KIFC3: variants seen among roughly 807,000 people sequenced by gnomAD.
KIFC3 encodes the protein kinesin family member C3.
KIFC3 carries 60 observed loss-of-function variants against 101.8 expected under a neutral mutation model. The observed-to-expected ratio is 0.59, with a 90% CI of 0.48 to 0.73. KIFC3 has a LOEUF of 0.73. KIFC3 is among the 30% of genes least tolerant of loss of function. KIFC3 has a pLI of 0.00. For missense variants in KIFC3, 966 were observed against 1,137.1 expected (o/e 0.85, Z 2.16); for synonymous variants, 476 against 482.7 (o/e 0.99, Z 0.18).
intron 3 of KIFC3, chr16:57,782,292 C>G (rs1555615254): frequency 3.5e-6 from 1 of 283,492 alleles, no homozygotes; most frequent in Non-Finnish European, 5.3e-6. Flanking sequence ...CTACAGCTGC[C>G]CAGCTGGCAC....
chr16:57,780,341 T>A (rs189676446), intron 3 of KIFC3, among the ~76,000 whole-genome samples: 1 of 151,970 alleles, frequency 6.6e-6, no homozygotes, highest in Non-Finnish European at 1.5e-5. Flanking sequence ...TGAAACCCCA[T>A]CTCTACTAAA....
At chr16:57,789,000 A>C (rs1327987414) in intron 3 of KIFC3, among the ~76,000 whole-genome samples, 1 of 152,220 alleles carries the variant, frequency 6.6e-6, no homozygotes, top group African/African-American at 2.4e-5. Context: ...GGTGAAGCTC[A>C]TGCCATCCCT....
intron 9 of KIFC3, among the ~76,000 whole-genome samples, chr16:57,767,658 A>G (rs1167676636): frequency 6.6e-6 from 1 of 152,018 alleles, no homozygotes; most frequent in African/African-American, 2.4e-5. Context: ...TTTTTGAGAC[A>G]GGGTCTTGCT....
intron 10 of KIFC3, 124 bp downstream of exon 10, chr16:57,766,750 T>C: frequency 1.6e-6 from 1 of 633,436 alleles, no homozygotes; most frequent in Non-Finnish European, 2.7e-6. Context: ...TGTGCCTCTG[T>C]TTCCTTATCT....
At chr16:57,802,750 C>CT, upstream of KIFC3, 1 of 747,176 alleles carries the variant, frequency 1.3e-6, no homozygotes, top group Non-Finnish European at 2.2e-6. The surrounding 1 kb of genome is among the most constrained non-coding windows in gnomAD (Gnocchi z 5.0). Context: ...CATGCGTTCC[C>CT]TGAAGGCTCT....
chr16:57,770,390 TG>T, intron 7 of KIFC3, 136 bp downstream of exon 7: 1 of 764,302 alleles, frequency 1.3e-6, no homozygotes, highest in African/African-American at 1.8e-5. Context: ...AAACTTGCCC[TG>T]GGTCCCGTGG....
chr16:57,847,052 G>A (rs2055935028), intron 1 of KIFC3, among the ~76,000 whole-genome samples: 1 of 151,942 alleles, frequency 6.6e-6, no homozygotes, highest in East Asian at 1.9e-4. Flanking sequence ...ACGTGTGCTG[G>A]CGAACACCTG....
intron 1 of KIFC3, 43 bp from the exon 2 acceptor site, chr16:57,798,325 C>A: frequency 6.6e-7 from 1 of 1,505,094 alleles, no homozygotes; most frequent in South Asian, 1.2e-5. Flanking sequence ...GACCGTGGAC[C>A]AGCACAACTG....
intron 3 of KIFC3, among the ~76,000 whole-genome samples, chr16:57,778,963 C>G (rs1555613146): frequency 6.6e-6 from 1 of 152,158 alleles, no homozygotes; most frequent in African/African-American, 2.4e-5. Flanking sequence ...GAAACTGGAA[C>G]CCGTGTGCAC....
intron 18 of KIFC3, 102 bp from the exon 19 acceptor site, chr16:57,759,255 G>A: frequency 1.5e-6 from 2 of 1,372,066 alleles, no homozygotes; most frequent in Non-Finnish European, 2.0e-6. Flanking sequence ...GATGGGCCAG[G>A]CCCTCCCATG....
intron 19 of KIFC3, 80 bp downstream of exon 19, chr16:57,759,045 A>T: frequency 6.5e-7 from 1 of 1,540,778 alleles, no homozygotes; most frequent in South Asian, 1.2e-5. Context: ...AGCTCTGAAC[A>T]GCAGAACGTC....
At chr16:57,784,840 G>A (rs1262284595) in intron 3 of KIFC3, among the ~76,000 whole-genome samples, 4 of 152,238 alleles carry the variant, frequency 2.6e-5, no homozygotes, top group East Asian at 1.9e-4. Flanking sequence ...GAAGAGGGCC[G>A]GTGGTCAGCC....
At chr16:57,763,214 C>A (rs974625843) in intron 12 of KIFC3, among the ~76,000 whole-genome samples, 3 of 152,182 alleles carry the variant, frequency 2.0e-5, no homozygotes, top group Non-Finnish European at 1.5e-5. Context: ...ATGCCTGATA[C>A]ACCTTATGCA....
chr16:57,791,160 G>A (rs1423097912), intron 3 of KIFC3: 1 of 152,418 alleles, frequency 6.6e-6, no homozygotes, highest in Non-Finnish European at 1.5e-5. Context: ...AACCCAGGAG[G>A]TGGAGGTTGC....
intron 1 of KIFC3, among the ~76,000 whole-genome samples, chr16:57,812,046 C>CT (rs1205613960): frequency 0.028 from 3,704 of 131,778 alleles, 49 homozygotes; most frequent in South Asian, 0.039. Flanking sequence ...CCGTCTCTCT[C>CT]TTTTTTTTTT....
In KIFC3 at chr16:57,802,486, G is replaced by T; in HGVS notation, c.-156C>A. 1 of 983,404 alleles carries T rather than the reference G, an allele frequency of 1.0e-6. No homozygotes were observed. The allele number at this position is 983,404 out of a possible 1,614,324, so 60.9% of individuals were successfully genotyped here. A position where few individuals can be genotyped will look rare whatever the true frequency, so the allele number is the denominator to read the frequency against. On this transcript the variant is annotated 5_prime_UTR_variant, in exon 1 of 20. Coordinates refer to ENST00000445690, the MANE Select transcript of KIFC3 (RefSeq NM_001130100.2). This position sits in a 1 kb window ranked among gnomAD's most constrained non-coding sequence, Gnocchi z 5.0. Reference sequence around the variant, plus strand: ...CCTCCTCCTCGGCCAGCCCGCTCGCGCCCCTCCCGCACACTTTCCACAGGA... The same window carrying T: ...CCTCCTCCTCGGCCAGCCCGCTCGCTCCCCTCCCGCACACTTTCCACAGGA...
chr16:57,847,759 T>TG (rs2055964336), intron 1 of KIFC3, among the ~76,000 whole-genome samples: 1 of 131,986 alleles, frequency 7.6e-6, no homozygotes, highest in Non-Finnish European at 1.6e-5. Context: ...GCCAGATGAA[T>TG]TTGTGTGTGT....
chr16:57,837,199 G>C lies in KIFC3; in HGVS notation c.108+25530C>G, dbSNP rs572613140. Among the ~76,000 whole-genome samples, 5 of 152,254 alleles carry C rather than the reference G, an allele frequency of 3.3e-5. No individual in the cohort carries two copies. The East Asian group carries it at 9.6e-4, about 29-fold the overall frequency. ...CAATGTAGCAGCAGGGCCAGGTGGT[G>C]GCTCTTGCCTATAATCCCAGCACAT... On this transcript the variant is annotated intron_variant, in intron 1 of 2. Transcript: ENST00000563028.
chr16:57,791,063 G>C (rs782054031), intron 3 of KIFC3: 32 of 260,186 alleles, frequency 1.2e-4, no homozygotes, highest in Non-Finnish European at 1.9e-4. Flanking sequence ...GTGAAACCCT[G>C]TCTCTACAAA....
Sources: gnomAD v4.1 joint callset for allele counts (sites outside exome capture counted in the v4.1 genomes callset) on GRCh38, gnomAD v4.1.1 for gene constraint, Gnocchi (gnomAD v3.1) non-coding constraint, MANE v1.5 for transcripts, NCBI Gene and HGNC (gene_info 2026-07-23, HGNC 2026-07-21) for gene names.